KLF12: variants seen among roughly 807,000 people sequenced by gnomAD.
KLF12 encodes the protein Krueppel-like factor 12.
A neutral mutation model predicts 37.8 loss-of-function variants in KLF12; 9 were observed. The ratio of observed to expected loss-of-function variants is 0.24; its 90% CI spans 0.14 to 0.42. The LOEUF (loss-of-function observed/expected upper bound fraction) is 0.42. KLF12 is among the 10% of genes least tolerant of loss of function. The pLI is 1.00. For synonymous variants in KLF12, 208 were observed against 202.1 expected (o/e 1.03, Z -0.25); for missense variants, 411 against 516.0 (o/e 0.80, Z 1.97).
At chr13:73,827,031 T>C (rs1370252405) in intron 4 of KLF12, among the ~76,000 whole-genome samples, 1 of 152,228 alleles carries the variant, frequency 6.6e-6, no homozygotes, top group East Asian at 1.9e-4. Context: ...TCTGCCCACC[T>C]TGGCCTCCCA....
intron 3 of KLF12, among the ~76,000 whole-genome samples, chr13:73,930,484 T>A (rs1889613143): frequency 6.6e-6 from 1 of 152,226 alleles, no homozygotes; most frequent in Non-Finnish European, 1.5e-5. Context: ...TTTATTCAAT[T>A]TGGGAAATTG....
At chr13:74,204,392 C>G in the KLF12 span, among the ~76,000 whole-genome samples, 1 of 152,010 alleles carries the variant, frequency 6.6e-6, no homozygotes. Context: ...AACCATCACC[C>G]CAATAATATA....
intron 1 of KLF12, among the ~76,000 whole-genome samples, chr13:74,072,287 A>T (rs1402037587): frequency 1.3e-5 from 2 of 149,476 alleles, no homozygotes; most frequent in African/African-American, 4.9e-5. Flanking sequence ...AAAATATGAT[A>T]ATGAAAAATG....
At chr13:73,867,496 A>G (rs556830546) in intron 3 of KLF12, among the ~76,000 whole-genome samples, 33 of 152,228 alleles carry the variant, frequency 2.2e-4, no homozygotes, top group Non-Finnish European at 4.3e-4. Context: ...AGGCATAAAG[A>G]ACTAAAATGA....
intron 5 of KLF12, among the ~76,000 whole-genome samples, chr13:73,774,927 T>TC (rs1265894933): frequency 1.3e-5 from 2 of 151,030 alleles, no homozygotes; most frequent in Non-Finnish European, 1.5e-5. Flanking sequence ...TTTTTTTTTT[T>TC]TTTTTTTTAA....
chr13:74,048,845 G>A lies in KLF12; in HGVS notation c.-31-53792C>T, dbSNP rs1477727072. 2.0e-5 allele frequency among the ~76,000 whole-genome samples: 3 copies of A among 152,094 alleles called. No individual in the cohort carries two copies. In the East Asian group the frequency reaches 5.8e-4, roughly 29 times the overall value. ...TACAGAATGTGAGATAAGTCAATAA[G>A]CACAAGATTTCTGAAAAGGTTAAAA... On this transcript the variant is annotated intron_variant, in intron 1 of 7. Transcript: ENST00000377669.
rs79043952 is a variant in KLF12 at position 74,043,179 on chromosome 13, C to T, written c.-31-48126G>A. Among the ~76,000 whole-genome samples, 1,516 of 152,232 alleles carry T rather than the reference C, an allele frequency of 1.0e-2. 22 individuals carry two copies. The highest frequency in any genetic ancestry group is 0.034 in the African/African-American group (1,423 of 41,526). On this transcript the variant is annotated intron_variant, in intron 1 of 7. Transcript: ENST00000377669. The stretch of plus-strand genomic sequence containing the variant: ...AAGGGTCTAGCACTGCTGAAGCTTG[C>T]GTAAGTATCCCACTCATGGTCAGAG...
intron 7 of KLF12, among the ~76,000 whole-genome samples, chr13:73,705,003 T>A (rs1312893041): frequency 1.3e-5 from 2 of 152,240 alleles, no homozygotes; most frequent in Admixed American, 1.3e-4. Context: ...TATTCTATAA[T>A]GTTTTCTTGT....
At chr13:73,709,839 G>A (rs962011361) in intron 7 of KLF12, among the ~76,000 whole-genome samples, 1 of 152,132 alleles carries the variant, frequency 6.6e-6, no homozygotes, top group African/African-American at 2.4e-5. Context: ...AGACCTATCT[G>A]AATGGAGGCC....
the KLF12 span, among the ~76,000 whole-genome samples, chr13:74,233,770 T>C: frequency 6.6e-6 from 1 of 152,328 alleles, no homozygotes; most frequent in South Asian, 2.1e-4. Context: ...GATCATCATA[T>C]GATAAGAATG....
chr13:73,822,774 ATTTTCCATTAATAAGTAGG>A (rs1883599270), intron 4 of KLF12, among the ~76,000 whole-genome samples: 1 of 152,120 alleles, frequency 6.6e-6, no homozygotes, highest in Non-Finnish European at 1.5e-5. Flanking sequence ...AGTTCATAAA[ATTTTCCATTAATAAGTAGG>A]TTTTTCCACT....
chr13:73,879,968 T>C (rs1886901221), intron 3 of KLF12, among the ~76,000 whole-genome samples: 2 of 152,188 alleles, frequency 1.3e-5, no homozygotes, highest in African/African-American at 2.4e-5. Context: ...CTTAACTACT[T>C]GAGGTTCTCA....
the KLF12 span, among the ~76,000 whole-genome samples, chr13:74,201,527 C>G: frequency 6.6e-6 from 1 of 152,176 alleles, no homozygotes; most frequent in Admixed American, 6.5e-5. Context: ...CCCAGGACTC[C>G]TGAGACACCT....
intron 1 of KLF12, among the ~76,000 whole-genome samples, chr13:74,041,691 TACACACACACACACACACAC>T (rs59315484): frequency 7.0e-6 from 1 of 142,270 alleles, no homozygotes; most frequent in Non-Finnish European, 1.5e-5. Context: ...ATCGCTGATT[TACACACACACACACACACAC>T]ACACACACAC....
chr13:73,970,524 A>AT (rs1195944618), intron 2 of KLF12, among the ~76,000 whole-genome samples: 1 of 152,212 alleles, frequency 6.6e-6, no homozygotes, highest in Non-Finnish European at 1.5e-5. Flanking sequence ...TCCTCGAGCC[A>AT]TTTTGGGCAG....
intron 1 of KLF12, among the ~76,000 whole-genome samples, chr13:74,070,204 G>C (rs1384905026): frequency 1.3e-5 from 2 of 152,214 alleles, no homozygotes; most frequent in Non-Finnish European, 2.9e-5. Context: ...CAGCAGCATA[G>C]GAATGACATG....
intron 1 of KLF12, among the ~76,000 whole-genome samples, chr13:74,060,386 T>C (rs1445665473): frequency 6.6e-6 from 1 of 152,148 alleles, no homozygotes; most frequent in East Asian, 1.9e-4. Context: ...TTCCAATCCA[T>C]TTGTTTGTAT....
chr13:73,747,926 T>C lies in KLF12; in HGVS notation c.869+17012A>G, dbSNP rs558723026. On this transcript the variant is annotated intron_variant, in intron 6 of 7. Transcript: ENST00000377669. ...GAATGGGTCTGAGAAATAAATAAAA[T>C]GGTATCTATGAACTGTGTGAAAACT... Among the ~76,000 whole-genome samples, 3 of 152,210 alleles carry C rather than the reference T, an allele frequency of 2.0e-5. No individual in the cohort carries two copies. In the South Asian group the frequency reaches 6.2e-4, roughly 32 times the overall value.
At chr13:73,859,468 T>C (rs148050601) in intron 3 of KLF12, among the ~76,000 whole-genome samples, 158 of 152,312 alleles carry the variant, frequency 1.0e-3, no homozygotes, top group African/African-American at 3.7e-3. Context: ...CCCGTCCTTA[T>C]TGGTGAAATT....
Sources: gnomAD v4.1 joint callset for allele counts (sites outside exome capture counted in the v4.1 genomes callset) on GRCh38, gnomAD v4.1.1 for gene constraint, MANE v1.5 for transcripts, NCBI Gene and HGNC (gene_info 2026-07-23, HGNC 2026-07-21) for gene names.